COA8: variants seen among roughly 807,000 people sequenced by gnomAD.
COA8 encodes the protein cytochrome c oxidase assembly factor 8, also known as UPF0671 protein C14orf153.
Under a neutral mutation model 22.0 loss-of-function variants are expected in COA8, and 20 were observed. That is an observed-to-expected ratio of 0.91 (90% CI 0.64 to 1.32). The LOEUF (loss-of-function observed/expected upper bound fraction) is 1.32, where lower values mean the gene tolerates loss of function less well. Among genes scored for constraint, COA8 ranks in the 40% most tolerant of loss-of-function variants. The probability of loss-of-function intolerance (pLI) is 0.00; values close to 1 mark genes in which losing one functional copy is unlikely to be tolerated. For synonymous variants in COA8, 105 were observed against 79.9 expected, an observed-to-expected ratio of 1.31 and a Z score of -1.68; for missense variants, 266 against 230.0, an observed-to-expected ratio of 1.16 and a Z score of -1.01.
At chr14:103,583,107 A>G (rs1265470020) in intron 3 of COA8, among the ~76,000 whole-genome samples, 2 of 152,178 alleles carry the variant, frequency 1.3e-5, no homozygotes, top group African/African-American at 4.8e-5. Flanking sequence ...ATGGCTGTAT[A>G]ATATTCTATA....
rs2076269966 is a variant in COA8 at position 103,581,895 on chromosome 14, A to AAGGGGTTGCCAGACACCCTCCCTGC, written c.386-5378_386-5354dup. On this transcript the variant is annotated intron_variant, in intron 3 of 4. Coordinates refer to ENST00000409074, the MANE Select transcript of COA8 (RefSeq NM_001370595.2). The surrounding 1 kb of genome is among the most constrained non-coding windows in gnomAD (Gnocchi z 4.1). ...GTGTTTGTTTCTGTCTGTGGGAATAAAGGGGTTGCCAGACACCCTCCCTGC... is the reference window on the plus strand; with the variant it reads ...GTGTTTGTTTCTGTCTGTGGGAATAAAGGGGTTGCCAGACACCCTCCCTGCAGGGGTTGCCAGACACCCTCCCTGC... Among the ~76,000 whole-genome samples, 1 of 152,134 alleles carries AAGGGGTTGCCAGACACCCTCCCTGC rather than the reference A, an allele frequency of 6.6e-6. No homozygotes were observed. Among genetic ancestry groups the AAGGGGTTGCCAGACACCCTCCCTGC allele is most frequent in the Admixed American group, 6.5e-5 (1 of 15,278 alleles).
chr14:103,566,335 G>A (rs978388602), intron 1 of COA8, among the ~76,000 whole-genome samples: 20 of 152,100 alleles, frequency 1.3e-4, no homozygotes, highest in African/African-American at 3.1e-4. Flanking sequence ...CGGGAGAATC[G>A]CTTGAACCCA....
chr14:103,573,759 G>A (rs531358874), intron 2 of COA8, among the ~76,000 whole-genome samples: 1 of 152,102 alleles, frequency 6.6e-6, no homozygotes, highest in South Asian at 2.1e-4. Context: ...CTCCATGTTG[G>A]CCAGGCTGGT....
Position 103,590,229 on chromosome 14 carries a change from G to A in COA8, c.525G>A (p.Val175=), listed in dbSNP as rs369533978. Residue 175 remains valine (V), a synonymous_variant, in exon 5 of 5, where the codon GTG becomes GTA. Transcript: ENST00000409074. ...CCATCACCTTCTTCATGGGAAAAGTGGCCCTGGAAAGGATTTGGAACAAGC... is the reference window on the plus strand; with the variant it reads ...CCATCACCTTCTTCATGGGAAAAGTAGCCCTGGAAAGGATTTGGAACAAGC... ...NFAITFFMGK[V]ALERIWNKLK... 1 of 1,614,022 alleles carries A rather than the reference G, an allele frequency of 6.2e-7. No individual in the cohort carries two copies. The highest frequency in any genetic ancestry group is 8.5e-7 in the Non-Finnish European group (1 of 1,180,006).
intron 4 of COA8, among the ~76,000 whole-genome samples, chr14:103,589,657 T>C (rs1006097091): frequency 6.6e-6 from 1 of 151,764 alleles, no homozygotes; most frequent in Non-Finnish European, 1.5e-5. Context: ...GGCTCACACC[T>C]GTAATCCCAG....
intron 3 of COA8, among the ~76,000 whole-genome samples, chr14:103,584,796 G>A (rs745397436): frequency 6.6e-6 from 1 of 152,078 alleles, no homozygotes; most frequent in East Asian, 1.9e-4. Flanking sequence ...TTGGTTGTTC[G>A]TGTATCTTTT....
At chr14:103,572,930 A>G (rs965968355) in intron 2 of COA8, among the ~76,000 whole-genome samples, 1 of 147,866 alleles carries the variant, frequency 6.8e-6, no homozygotes, top group Non-Finnish European at 1.5e-5. Context: ...TTACAGGCAC[A>G]CACCTCCGTG....
rs1006340189 is a variant in COA8 at position 103,580,846 on chromosome 14, G to A, written c.386-6428G>A. ...AGTTTCATTCTTGTTGCCCAGGCTG[G>A]AGTGCAGTGGCGCAATCTCAGCTCA... On this transcript the variant is annotated intron_variant, in intron 3 of 4. Coordinates refer to ENST00000409074, the MANE Select transcript of COA8 (RefSeq NM_001370595.2). 5.4e-5 allele frequency among the ~76,000 whole-genome samples: 8 copies of A among 148,884 alleles called. No homozygotes were observed. In the Admixed American group the frequency reaches 5.4e-4, roughly 10 times the overall value.
At chr14:103,574,486 C>G in intron 3 of COA8, 1 of 538,494 alleles carries the variant, frequency 1.9e-6, no homozygotes. Flanking sequence ...TCTTCTGATT[C>G]CTGATCTCAG....
chr14:103,563,455 GT>G, intron 1 of COA8: 1 of 435,984 alleles, frequency 2.3e-6, no homozygotes. Context: ...CTTACCGTGC[GT>G]TTTTTTTCGT....
At chr14:103,567,566 TA>T (rs1272515093) in intron 1 of COA8, 1 of 152,046 alleles carries the variant, frequency 6.6e-6, no homozygotes, top group East Asian at 1.9e-4. Context: ...AAATTTTTTT[TA>T]TAGAGATGGG....
intron 1 of COA8, among the ~76,000 whole-genome samples, chr14:103,565,795 T>C (rs1042814839): frequency 2.6e-5 from 4 of 152,044 alleles, no homozygotes; most frequent in Non-Finnish European, 5.9e-5. Flanking sequence ...TTTGTATTTT[T>C]TGTAGAGACG....
At chr14:103,572,591 G>A (rs1313952562) in intron 2 of COA8, among the ~76,000 whole-genome samples, 2 of 152,010 alleles carry the variant, frequency 1.3e-5, no homozygotes, top group Non-Finnish European at 2.9e-5. Context: ...TGAGCCAGGT[G>A]TGGTGGCATA....
intron 3 of COA8, chr14:103,574,627 G>A (rs895396551): frequency 8.5e-6 from 3 of 351,972 alleles, no homozygotes; most frequent in Admixed American, 3.9e-5. Context: ...CAAAATCATC[G>A]ACCCCAAAAG....
chr14:103,568,225 G>A (rs1329230338), intron 1 of COA8, among the ~76,000 whole-genome samples: 1 of 152,150 alleles, frequency 6.6e-6, no homozygotes, highest in Non-Finnish European at 1.5e-5. Flanking sequence ...TAGGGTGCAG[G>A]AGAAACGTCT....
Position 103,563,079 on chromosome 14 carries a change from C to T in COA8, c.78C>T (p.Leu26=), listed in dbSNP as rs1749459308. The T allele has an allele frequency of 1.9e-6, 3 of 1,540,350 alleles. No homozygotes were observed. The highest frequency in any genetic ancestry group is 1.9e-5 in the Admixed American group (1 of 51,504). The stretch of plus-strand genomic sequence containing the variant: ...CCTTCGCCTGCCGCGGCTGTCAACT[C>T]GCTCCGGAGCGCGGCGCCGAGCGCA... ...CRAFACRGCQ[L]APERGAERRD... Residue 26 remains leucine, a synonymous_variant, in exon 1 of 5, where the codon CTC becomes CTT. Transcript: ENST00000409074.
At position 103,568,653 on chromosome 14, in the gene COA8, A is replaced by G. The variant is rs1238143245; in HGVS notation, c.124-2970A>G. Reference sequence around the variant, plus strand: ...TATATATATATATATATATAGTGACAGGGTCTCACTCTGTCACCCAGGTTG... The same window carrying G: ...TATATATATATATATATATAGTGACGGGGTCTCACTCTGTCACCCAGGTTG... On this transcript the variant is annotated intron_variant, in intron 1 of 4. Coordinates refer to ENST00000409074, the MANE Select transcript of COA8 (RefSeq NM_001370595.2). Among the ~76,000 whole-genome samples, 8 of 149,328 alleles carry G rather than the reference A, an allele frequency of 5.4e-5. No individual in the cohort carries two copies. In the Admixed American group the frequency reaches 5.4e-4, roughly 10 times the overall value.
intron 3 of COA8, among the ~76,000 whole-genome samples, chr14:103,582,165 A>C (rs1178568830): frequency 6.6e-6 from 1 of 152,022 alleles, no homozygotes; most frequent in African/African-American, 2.4e-5. Context: ...GCGCTCTTAC[A>C]AGAGACCTCA....
intron 1 of COA8, among the ~76,000 whole-genome samples, chr14:103,565,525 A>G (rs2076129490): frequency 6.6e-6 from 1 of 151,916 alleles, no homozygotes; most frequent in Non-Finnish European, 1.5e-5. Context: ...TTAATCCGGA[A>G]GTTCCTGAAC....
Sources: gnomAD v4.1 joint callset for allele counts (sites outside exome capture counted in the v4.1 genomes callset) on GRCh38, gnomAD v4.1.1 for gene constraint, Gnocchi (gnomAD v3.1) non-coding constraint, MANE v1.5 for transcripts, NCBI Gene and HGNC (gene_info 2026-07-23, HGNC 2026-07-21) for gene names.